Variants in MECR observed in about 807,000 individuals in gnomAD.
MECR encodes enoyl-[acyl-carrier-protein] reductase, mitochondrial.
MECR carries 37 observed loss-of-function variants against 49.1 expected under a neutral mutation model. The observed-to-expected ratio is 0.75, with a 90% CI of 0.58 to 0.99. The LOEUF is 0.99. MECR is among the 50% of genes least tolerant of loss of function. The pLI is 0.00. For synonymous variants in MECR, 198 were observed against 191.1 expected (o/e 1.04, Z -0.30); for missense variants, 470 against 479.6 (o/e 0.98, Z 0.19).
chr1:29,175,164 G>A, the MECR span, among the ~76,000 whole-genome samples: 1 of 151,810 alleles, frequency 6.6e-6, no homozygotes, highest in East Asian at 2.0e-4. Context: ...GCTCACGCCT[G>A]TAATCCCAGC....
intron 1 of MECR, chr1:29,221,212 G>GAA: frequency 6.9e-6 from 1 of 144,544 alleles, no homozygotes; most frequent in Non-Finnish European, 1.5e-5. Context: ...TGTCTCAGGG[G>GAA]AAAAAAAAAA....
At chr1:29,176,236 A>G in the MECR span, among the ~76,000 whole-genome samples, 3 of 152,154 alleles carry the variant, frequency 2.0e-5, no homozygotes, top group South Asian at 2.1e-4. Flanking sequence ...TGGGCGACAG[A>G]GCAAGACTCC....
At chr1:29,182,640 T>A in the MECR span, among the ~76,000 whole-genome samples, 1 of 151,326 alleles carries the variant, frequency 6.6e-6, no homozygotes, top group Admixed American at 6.6e-5. Flanking sequence ...GCCTCCCGGG[T>A]TCAAGCGATT....
chr1:29,215,051 T>C (rs1679032491), intron 3 of MECR, among the ~76,000 whole-genome samples: 1 of 152,208 alleles, frequency 6.6e-6, no homozygotes, highest in South Asian at 2.1e-4. Context: ...TCTCACTCTG[T>C]TGCCCAGGCT....
At chr1:29,209,757 A>T (rs905512016) in intron 3 of MECR, among the ~76,000 whole-genome samples, 92 of 152,282 alleles carry the variant, frequency 6.0e-4, no homozygotes, top group African/African-American at 1.9e-3. Flanking sequence ...GTGTCACCTT[A>T]GGGAAATTGC....
intron 7 of MECR, chr1:29,200,315 A>C (rs1421241699): frequency 6.6e-6 from 3 of 452,202 alleles, no homozygotes; most frequent in Non-Finnish European, 1.2e-5. Context: ...TGGATAGGCC[A>C]AAATTTTGGT....
At chr1:29,175,061 T>C in the MECR span, among the ~76,000 whole-genome samples, 5 of 150,604 alleles carry the variant, frequency 3.3e-5, no homozygotes, top group African/African-American at 1.2e-4. Context: ...TGAAAAAAAG[T>C]AAAACTAAAA....
chr1:29,173,869 T>C, the MECR span, among the ~76,000 whole-genome samples: 2 of 151,796 alleles, frequency 1.3e-5, no homozygotes, highest in Non-Finnish European at 2.9e-5. Flanking sequence ...GTTTAAAAAA[T>C]TATAATAAAG....
At chr1:29,216,215 T>C in intron 2 of MECR, 79 bp from the exon 3 acceptor site, 2 of 1,553,678 alleles carry the variant, frequency 1.3e-6, no homozygotes, top group Non-Finnish European at 1.8e-6. Flanking sequence ...CACGCCATCC[T>C]AGGCCTGATC....
intron 4 of MECR, 120 bp downstream of exon 4, chr1:29,206,642 A>G: frequency 8.9e-7 from 1 of 1,118,290 alleles, no homozygotes; most frequent in Non-Finnish European, 1.3e-6. Flanking sequence ...CACCCAGGTG[A>G]GAGGTCCATC....
rs918785288 is a variant in MECR at position 29,201,450 on chromosome 1, T to C, written c.756+493A>G. On this transcript the variant is annotated intron_variant, in intron 6 of 9. Coordinates refer to ENST00000263702, the MANE Select transcript of MECR (RefSeq NM_016011.5). The surrounding 1 kb of genome is among the most constrained non-coding windows in gnomAD (Gnocchi z 4.3). ...GAGAGACTGAGGCCAGCTCTGACTC[T>C]CTGGAGCCCTTATAAACTATATGAT... 1.9e-6 allele frequency: 1 copy of C among 523,494 alleles called. No individual in the cohort carries two copies. The highest frequency in any genetic ancestry group is 3.9e-6 in the Non-Finnish European group (1 of 255,068). 32.4% of individuals were successfully genotyped at this position (523,494 alleles called of 1,614,324 possible). A position where few individuals can be genotyped will look rare whatever the true frequency, so the allele number is the denominator to read the frequency against.
At chr1:29,185,336 C>T in the MECR span, among the ~76,000 whole-genome samples, 1 of 152,152 alleles carries the variant, frequency 6.6e-6, no homozygotes, top group Non-Finnish European at 1.5e-5. Context: ...GCAACCTGTG[C>T]CTCCTGGGTT....
At chr1:29,187,498 C>A in the MECR span, among the ~76,000 whole-genome samples, 3 of 151,910 alleles carry the variant, frequency 2.0e-5, no homozygotes, top group African/African-American at 7.3e-5. Context: ...GCGTGAGCCA[C>A]CATGCCTGGC....
At chr1:29,182,733 G>C in the MECR span, among the ~76,000 whole-genome samples, 1 of 152,130 alleles carries the variant, frequency 6.6e-6, no homozygotes, top group Non-Finnish European at 1.5e-5. Context: ...TAGGAGAGAG[G>C]AAGTTTCACC....
intron 3 of MECR, among the ~76,000 whole-genome samples, chr1:29,210,168 A>C (rs1484072294): frequency 1.3e-5 from 2 of 151,890 alleles, no homozygotes; most frequent in African/African-American, 4.8e-5. Context: ...CCGCCACCAC[A>C]CCCGGCTAAT....
At chr1:29,183,699 ATATT>A in the MECR span, among the ~76,000 whole-genome samples, 2 of 152,112 alleles carry the variant, frequency 1.3e-5, no homozygotes, top group Non-Finnish European at 2.9e-5. Context: ...TGCTCACTAT[ATATT>A]AGGAAAATCA....
At chr1:29,175,072 A>T in the MECR span, among the ~76,000 whole-genome samples, 4 of 152,224 alleles carry the variant, frequency 2.6e-5, no homozygotes, top group African/African-American at 9.6e-5. Context: ...AAAACTAAAA[A>T]ACCCAAAATG....
the MECR span, among the ~76,000 whole-genome samples, chr1:29,180,767 T>C: frequency 1.3e-5 from 2 of 152,234 alleles, no homozygotes; most frequent in Non-Finnish European, 2.9e-5. Context: ...CCTCAACAGT[T>C]TTCCCTAAAA....
chr1:29,206,945 CCTGTG>C, intron 3 of MECR, 40 bp from the exon 4 acceptor site: 1 of 1,610,414 alleles, frequency 6.2e-7, no homozygotes, highest in Admixed American at 1.7e-5. Flanking sequence ...AGGAAGGAGC[CCTGTG>C]CACATTCAAC....
Sources: allele counts gnomAD v4.1 joint callset (sites outside exome capture counted in the v4.1 genomes callset), GRCh38; gene constraint gnomAD v4.1.1; non-coding constraint Gnocchi (gnomAD v3.1); transcripts MANE v1.5; gene names NCBI Gene and HGNC (gene_info 2026-07-23, HGNC 2026-07-21).